DPH6: variants seen among roughly 807,000 people sequenced by gnomAD.
The protein encoded by DPH6 is diphthine--ammonia ligase.
In DPH6, 33 loss-of-function variants were observed where a neutral mutation model predicts 38.2. That is an observed-to-expected ratio of 0.86 (90% CI 0.65 to 1.15). The LOEUF is 1.15. DPH6 is among the 50% of genes most tolerant of loss of function. The probability of loss-of-function intolerance (pLI) is 0.00; values close to 1 mark genes in which losing one functional copy is unlikely to be tolerated. For synonymous variants in DPH6, 108 were observed against 103.0 expected, an observed-to-expected ratio of 1.05 and a Z score of -0.30; for missense variants, 325 against 320.0, an observed-to-expected ratio of 1.02 and a Z score of -0.12.
intron 3 of DPH6, chr15:35,237,402 A>C: frequency 1.2e-6 from 2 of 1,604,954 alleles, no homozygotes; most frequent in Non-Finnish European, 1.7e-6. Flanking sequence ...GTCCTGGACA[A>C]CAGTCGGTCG....
At chr15:35,534,948 G>C (rs934477438) in intron 3 of DPH6, among the ~76,000 whole-genome samples, 1 of 152,106 alleles carries the variant, frequency 6.6e-6, no homozygotes, top group Non-Finnish European at 1.5e-5. Flanking sequence ...AACATTCTAG[G>C]CTTCATTCTA....
At chr15:35,455,595 GA>G (rs2053986305) in intron 3 of DPH6, among the ~76,000 whole-genome samples, 1 of 152,162 alleles carries the variant, frequency 6.6e-6, no homozygotes, top group African/African-American at 2.4e-5. Context: ...ATGGGGATTT[GA>G]AATGACAGGT....
the DPH6 span, among the ~76,000 whole-genome samples, chr15:35,190,812 G>A: frequency 6.6e-6 from 1 of 152,216 alleles, no homozygotes; most frequent in South Asian, 2.1e-4. Context: ...GAATGAACAA[G>A]GACAACTTGG....
At chr15:35,165,969 A>T in the DPH6 span, among the ~76,000 whole-genome samples, 1,072 of 152,064 alleles carry the variant, frequency 7.0e-3, 17 homozygotes, top group African/African-American at 0.025. Context: ...TTCTTACAGT[A>T]ACAAAAAAGA....
intron 3 of DPH6, among the ~76,000 whole-genome samples, chr15:35,222,539 G>T (rs889819217): frequency 2.0e-5 from 3 of 152,098 alleles, no homozygotes; most frequent in East Asian, 1.9e-4. Context: ...CAACTTGAAG[G>T]GGGGGGTTTC....
At chr15:35,456,471 ATATT>A (rs938028015) in intron 3 of DPH6, among the ~76,000 whole-genome samples, 2 of 146,860 alleles carry the variant, frequency 1.4e-5, no homozygotes, top group African/African-American at 4.9e-5. Context: ...ATATATATAT[ATATT>A]TATTTATTTA....
At chr15:35,165,969 A>C in the DPH6 span, among the ~76,000 whole-genome samples, 1 of 152,064 alleles carries the variant, frequency 6.6e-6, no homozygotes, top group South Asian at 2.1e-4. Context: ...TTCTTACAGT[A>C]ACAAAAAAGA....
the DPH6 span, among the ~76,000 whole-genome samples, chr15:35,152,551 G>A: frequency 6.6e-6 from 1 of 152,082 alleles, no homozygotes; most frequent in South Asian, 2.1e-4. Flanking sequence ...CCAGGCTGGA[G>A]TGCAATAGTG....
intron 3 of DPH6, among the ~76,000 whole-genome samples, chr15:35,283,131 TCTC>T (rs1392963994): frequency 3.3e-5 from 5 of 150,250 alleles, no homozygotes; most frequent in East Asian, 2.0e-4. Flanking sequence ...CTTCTCCTCT[TCTC>T]TTCTTCTTCC....
At chr15:35,509,435 T>TG (rs1457305247) in intron 3 of DPH6, among the ~76,000 whole-genome samples, 1 of 152,336 alleles carries the variant, frequency 6.6e-6, no homozygotes, top group African/African-American at 2.4e-5. Context: ...TCTTAAATCC[T>TG]GAAGGAGCCT....
chr15:35,183,337 T>C, the DPH6 span, among the ~76,000 whole-genome samples: 1 of 152,204 alleles, frequency 6.6e-6, no homozygotes, highest in Admixed American at 6.5e-5. Context: ...GTGAGTTAGT[T>C]CTACAGCACA....
chr15:35,240,391 C>A (rs998251207), intron 3 of DPH6, among the ~76,000 whole-genome samples: 1 of 142,622 alleles, frequency 7.0e-6, no homozygotes, highest in African/African-American at 2.5e-5. Context: ...TCAGTCCCAA[C>A]CCCAAGCATC....
chr15:35,319,558 T>C (rs8029643), intron 3 of DPH6, among the ~76,000 whole-genome samples: 4,436 of 152,052 alleles, frequency 0.029, 222 homozygotes, highest in African/African-American at 0.1. Flanking sequence ...CTGGCCAACG[T>C]GGAGAAACCC....
chr15:35,269,790 CTTT>C (rs1198000526), intron 3 of DPH6, among the ~76,000 whole-genome samples: 3 of 108,540 alleles, frequency 2.8e-5, no homozygotes, highest in Admixed American at 9.8e-5. Context: ...GGGTGTGTTT[CTTT>C]TTTTTTTTTT....
the DPH6 span, among the ~76,000 whole-genome samples, chr15:35,194,369 CAGAGAGAGAG>C: frequency 2.8e-5 from 4 of 144,756 alleles, no homozygotes; most frequent in Non-Finnish European, 6.1e-5. Flanking sequence ...TTCCTTTTTC[CAGAGAGAGAG>C]AGAGAGAGAG....
intron 7 of DPH6, among the ~76,000 whole-genome samples, chr15:35,381,395 T>C (rs773451199): frequency 9.9e-5 from 15 of 152,178 alleles, no homozygotes; most frequent in Non-Finnish European, 2.2e-4. Context: ...AATGTTTACA[T>C]TACCATTCTG....
chr15:35,186,370 G>A, the DPH6 span, among the ~76,000 whole-genome samples: 1 of 152,100 alleles, frequency 6.6e-6, no homozygotes, highest in Non-Finnish European at 1.5e-5. Flanking sequence ...ATGATTTTTA[G>A]TCCAGCACAA....
In DPH6 at chr15:35,533,756, C is replaced by T. The variant is rs531168117; in HGVS notation, c.312+4518G>A. Among the ~76,000 whole-genome samples the T allele has an allele frequency of 7.9e-5, 12 of 151,288 alleles. No individual in the cohort carries two copies. In the South Asian group the frequency reaches 1.9e-3, roughly 24 times the overall value. ...AATAATAATAAACAGAAGGAAAGAACCAATGAAAAAAGGATTTCAATTAAT... is the reference window on the plus strand; with the variant it reads ...AATAATAATAAACAGAAGGAAAGAATCAATGAAAAAAGGATTTCAATTAAT... On this transcript the variant is annotated intron_variant, in intron 3 of 8. Coordinates refer to ENST00000256538, the MANE Select transcript of DPH6 (RefSeq NM_080650.4).
chr15:35,463,043 A>AT (rs542591363), intron 3 of DPH6, among the ~76,000 whole-genome samples: 20 of 152,198 alleles, frequency 1.3e-4, no homozygotes, highest in Non-Finnish European at 2.8e-4. Context: ...TTAATAGGTA[A>AT]TTTTTAAGAG....
Sources: gnomAD v4.1 joint callset for allele counts (sites outside exome capture counted in the v4.1 genomes callset) on GRCh38, gnomAD v4.1.1 for gene constraint, MANE v1.5 for transcripts, NCBI Gene and HGNC (gene_info 2026-07-23, HGNC 2026-07-21) for gene names.